The following SUFU variants were observed in gnomAD, a reference collection of about 807,000 sequenced individuals.
SUFU encodes SUFU negative regulator of hedgehog signaling.
SUFU carries 7 observed loss-of-function variants against 58.9 expected under a neutral mutation model. That is an observed-to-expected ratio of 0.12 (90% CI 0.07 to 0.22). The LOEUF (loss-of-function observed/expected upper bound fraction) is 0.22, where lower values mean the gene tolerates loss of function less well. SUFU is among the 10% of genes least tolerant of loss of function. The pLI is 1.00. For synonymous variants in SUFU, 232 were observed against 254.8 expected, an observed-to-expected ratio of 0.91 and a Z score of 0.85; for missense variants, 451 against 641.3, an observed-to-expected ratio of 0.70 and a Z score of 3.20.
At chr10:102,576,490 T>C (rs1045275454) in intron 3 of SUFU, among the ~76,000 whole-genome samples, 3 of 152,224 alleles carry the variant, frequency 2.0e-5, no homozygotes, top group African/African-American at 4.8e-5. Context: ...CCCCTGGTGA[T>C]GCACCTTTAG....
rs201198734 is a variant in SUFU at position 102,549,953 on chromosome 10, C to A, written c.318-17C>A. On this transcript the variant is annotated splice_polypyrimidine_tract_variant and intron_variant, in intron 2 of 11. Transcript: ENST00000369902. ...AAGGTAATTGAGCTTAAAACACTTG[C>A]TTTTTATGTCTTTCAGGTTTACAGG... is the stretch of plus-strand genomic sequence containing the variant. 1.5e-4 allele frequency: 240 copies of A among 1,614,028 alleles called. No individual in the cohort carries two copies. Among genetic ancestry groups the A allele is most frequent in the Middle Eastern group, 8.2e-4 (5 of 6,084 alleles).
At chr10:102,549,943 A>G in intron 2 of SUFU, 27 bp from the exon 3 acceptor site, 9 of 1,614,178 alleles carry the variant, frequency 5.6e-6, no homozygotes, top group Non-Finnish European at 7.6e-6. Context: ...AATTGAGCTT[A>G]AAACACTTGC....
At position 102,633,325 on chromosome 10, in the gene SUFU, G is replaced by A. The variant is rs552334477; in HGVS notation, c.*3170G>A. ...TATATTAGTTTTTAATGTCAGTGGC[G>A]ACTCGGTTCCTGGGGCTGCAGCCAG... On this transcript the variant is annotated 3_prime_UTR_variant, in exon 12 of 12. Transcript: ENST00000369902. 69 of 233,310 alleles carry A rather than the reference G, an allele frequency of 3.0e-4. No homozygotes were observed. Among genetic ancestry groups the A allele is most frequent in the African/African-American group, 1.4e-3 (65 of 45,440 alleles). The allele number at this position is 233,310 out of a possible 1,614,324, so 14.5% of individuals were successfully genotyped here.
chr10:102,506,873 C>T (rs2062334394), intron 1 of SUFU, among the ~76,000 whole-genome samples: 1 of 152,124 alleles, frequency 6.6e-6, no homozygotes, highest in African/African-American at 2.4e-5. Context: ...GACTGGTGAT[C>T]CCTGAGTAGT....
At chr10:102,589,148 TA>T (rs1171902583) in intron 3 of SUFU, among the ~76,000 whole-genome samples, 3 of 152,078 alleles carry the variant, frequency 2.0e-5, no homozygotes, top group African/African-American at 7.2e-5. Flanking sequence ...GGCTGGTCTC[TA>T]ACTGCCAGGC....
intron 2 of SUFU, among the ~76,000 whole-genome samples, chr10:102,518,221 T>C (rs2062496164): frequency 6.6e-6 from 1 of 152,208 alleles, no homozygotes; most frequent in African/African-American, 2.4e-5. Context: ...TTATTATCCT[T>C]ATTTTACACA....
intron 3 of SUFU, among the ~76,000 whole-genome samples, chr10:102,584,593 G>A (rs1192768245): frequency 6.6e-6 from 1 of 152,058 alleles, no homozygotes; most frequent in African/African-American, 2.4e-5. Context: ...TTTTAGGTAG[G>A]CAACAATATC....
At chr10:102,565,163 G>T (rs971430463) in intron 3 of SUFU, among the ~76,000 whole-genome samples, 66 of 152,322 alleles carry the variant, frequency 4.3e-4, no homozygotes, top group African/African-American at 1.4e-3. Context: ...TTGTGCCACA[G>T]CAGTGGAGTT....
At chr10:102,563,301 T>C (rs1251449756) in intron 3 of SUFU, among the ~76,000 whole-genome samples, 1 of 151,850 alleles carries the variant, frequency 6.6e-6, no homozygotes, top group Admixed American at 6.6e-5. Flanking sequence ...ATTGAAAAAA[T>C]AAGCAAATAA....
chr10:102,545,362 C>T (rs12220810), intron 2 of SUFU, among the ~76,000 whole-genome samples: 14,956 of 146,196 alleles, frequency 0.1, 1,212 homozygotes, highest in East Asian at 0.42. Context: ...TCAAACTCCT[C>T]GGCTCAAGTG....
chr10:102,533,299 C>T (rs1165260098), intron 2 of SUFU, among the ~76,000 whole-genome samples: 1 of 151,648 alleles, frequency 6.6e-6, no homozygotes. Context: ...AGGCTGGGTG[C>T]GGTGGCTCAC....
At chr10:102,591,883 G>C (rs2063406618) in intron 3 of SUFU, among the ~76,000 whole-genome samples, 1 of 152,208 alleles carries the variant, frequency 6.6e-6, no homozygotes, top group African/African-American at 2.4e-5. Flanking sequence ...GTGCAGTGGT[G>C]AGCCTGTGTG....
chr10:102,621,430 C>G (rs1010548403), intron 10 of SUFU, among the ~76,000 whole-genome samples: 1 of 152,200 alleles, frequency 6.6e-6, no homozygotes, highest in African/African-American at 2.4e-5. Context: ...TTCTGGCCAC[C>G]AGAGCCAACT....
intron 1 of SUFU, among the ~76,000 whole-genome samples, chr10:102,504,546 C>A (rs984812760): frequency 6.8e-6 from 1 of 147,726 alleles, no homozygotes; most frequent in Non-Finnish European, 1.5e-5. Context: ...AGGGGTTAAC[C>A]GGGATTAGGA....
intron 3 of SUFU, among the ~76,000 whole-genome samples, chr10:102,553,112 A>T (rs1416149630): frequency 6.6e-6 from 1 of 152,202 alleles, no homozygotes; most frequent in African/African-American, 2.4e-5. Flanking sequence ...TAAAAGTGTA[A>T]TACTTGACTT....
intron 3 of SUFU, chr10:102,573,112 C>G: frequency 1.3e-6 from 1 of 776,326 alleles, no homozygotes; most frequent in Non-Finnish European, 2.3e-6. Context: ...TGCGGATCTT[C>G]TTTTTTTTGT....
At chr10:102,503,752 A>C (rs1415512873), upstream of SUFU, among the ~76,000 whole-genome samples, 1 of 152,202 alleles carries the variant, frequency 6.6e-6, no homozygotes, top group Non-Finnish European at 1.5e-5. Flanking sequence ...TTAGCACCTC[A>C]GAGGGTGCTC....
intron 3 of SUFU, among the ~76,000 whole-genome samples, chr10:102,573,819 G>C (rs537020662): frequency 6.6e-6 from 1 of 152,212 alleles, no homozygotes. Flanking sequence ...TGGTTTCCAG[G>C]GGTTGGAAGC....
At chr10:102,627,512 A>T (rs2063796871) in intron 11 of SUFU, among the ~76,000 whole-genome samples, 1 of 152,216 alleles carries the variant, frequency 6.6e-6, no homozygotes, top group African/African-American at 2.4e-5. Context: ...AAATCGTCTG[A>T]ATTGCCAGCT....
Sources: allele counts gnomAD v4.1 joint callset (sites outside exome capture counted in the v4.1 genomes callset), GRCh38; gene constraint gnomAD v4.1.1; transcripts MANE v1.5; gene names NCBI Gene and HGNC (gene_info 2026-07-23, HGNC 2026-07-21).